The following N4BP2L2 variants were observed in gnomAD, a reference collection of about 807,000 sequenced individuals.
The protein encoded by N4BP2L2 is NEDD4 binding protein 2 like 2.
In N4BP2L2, 50 loss-of-function variants were observed where a neutral mutation model predicts 56.2. That is an observed-to-expected ratio of 0.89 (90% CI 0.71 to 1.13). The LOEUF is 1.13. Ranked by LOEUF, N4BP2L2 falls within the 50% of genes most tolerant of loss-of-function variation. The probability of loss-of-function intolerance (pLI) is 0.00; values close to 1 mark genes in which losing one functional copy is unlikely to be tolerated. For synonymous variants in N4BP2L2, 203 were observed against 223.6 expected (o/e 0.91, Z 0.82); for missense variants, 689 against 693.8 (o/e 0.99, Z 0.08).
At chr13:32,471,429 A>C (rs1038069479) in intron 6 of N4BP2L2, among the ~76,000 whole-genome samples, 16 of 152,210 alleles carry the variant, frequency 1.1e-4, no homozygotes, top group African/African-American at 3.9e-4. Flanking sequence ...GTGTAAGCTC[A>C]TACTGGGCTC....
At chr13:32,537,587 G>A (rs949773406) in intron 1 of N4BP2L2, among the ~76,000 whole-genome samples, 1 of 152,098 alleles carries the variant, frequency 6.6e-6, no homozygotes, top group African/African-American at 2.4e-5. Flanking sequence ...GCCAGTCTTT[G>A]GAGACCCTTA....
chr13:32,462,235 T>C (rs980226284), intron 6 of N4BP2L2, among the ~76,000 whole-genome samples: 2 of 152,176 alleles, frequency 1.3e-5, no homozygotes, highest in African/African-American at 4.8e-5. Context: ...ATGTGGTATA[T>C]ATACACAATG....
chr13:32,437,673 G>A (rs2075684773), intron 8 of N4BP2L2, among the ~76,000 whole-genome samples: 1 of 152,310 alleles, frequency 6.6e-6, no homozygotes, highest in Admixed American at 6.5e-5. Flanking sequence ...GTGCTTCCAA[G>A]TCAAGTAACT....
intron 5 of N4BP2L2, 35 bp downstream of exon 5, chr13:32,521,338 A>T: frequency 7.0e-7 from 1 of 1,423,668 alleles, no homozygotes; most frequent in Non-Finnish European, 9.8e-7. Context: ...GAAAGAAGAA[A>T]AGTTAAGGAT....
intron 6 of N4BP2L2, among the ~76,000 whole-genome samples, chr13:32,457,735 A>G (rs993871879): frequency 1.3e-5 from 2 of 152,256 alleles, no homozygotes; most frequent in African/African-American, 4.8e-5. Context: ...AAGAAGTCCT[A>G]TACATGGAAG....
chr13:32,448,974 C>T lies in N4BP2L2; in HGVS notation c.366-4848G>A, dbSNP rs572861498. Among the ~76,000 whole-genome samples, 117 of 152,284 alleles carry T rather than the reference C, an allele frequency of 7.7e-4. 1 individual carries two copies. Among genetic ancestry groups the T allele is most frequent in the Non-Finnish European group, 1.1e-3 (78 of 68,006 alleles). ...CAGTGGGATCTTGGGCAAATCATGT[C>T]TTTCCAAAATGAGGAAAATACCCCT... On this transcript the variant is annotated intron_variant, in intron 6 of 9. Transcript: ENST00000357505.
chr13:32,517,780 G>A (rs533289021), exon 6 of N4BP2L2: 1 of 1,610,932 alleles, frequency 6.2e-7, no homozygotes, highest in Non-Finnish European at 8.5e-7. Flanking sequence ...AACAACAAAT[G>A]TGTTAGCTGA....
At chr13:32,535,923 T>C in exon 2 of N4BP2L2, 1 of 1,614,158 alleles carries the variant, frequency 6.2e-7, no homozygotes, top group Non-Finnish European at 8.5e-7. Context: ...CATCTTTCTC[T>C]GACTTCACAG....
At chr13:32,538,865 G>A (rs982128450), upstream of N4BP2L2, 7 of 985,298 alleles carry the variant, frequency 7.1e-6, no homozygotes, top group African/African-American at 1.7e-5. Flanking sequence ...GAAGTCCGAC[G>A]TTCACACCGG....
intron 6 of N4BP2L2, among the ~76,000 whole-genome samples, chr13:32,480,414 G>C (rs2084378684): frequency 6.6e-6 from 1 of 152,212 alleles, no homozygotes. Flanking sequence ...AAAGAGTCCA[G>C]ATTAAAAGTT....
chr13:32,454,661 C>A (rs1199090234), intron 6 of N4BP2L2, among the ~76,000 whole-genome samples: 1 of 152,068 alleles, frequency 6.6e-6, no homozygotes, highest in African/African-American at 2.4e-5. Flanking sequence ...CAAATAAGAA[C>A]AATGTCTCAC....
At chr13:32,491,762 G>A (rs2087159819) in intron 6 of N4BP2L2, among the ~76,000 whole-genome samples, 1 of 151,530 alleles carries the variant, frequency 6.6e-6, no homozygotes, top group African/African-American at 2.4e-5. Context: ...CTCCCAAGTA[G>A]CTGGGACTAT....
intron 2 of N4BP2L2, among the ~76,000 whole-genome samples, chr13:32,528,022 G>C (rs111368254): frequency 1.3e-5 from 2 of 152,064 alleles, no homozygotes; most frequent in Non-Finnish European, 2.9e-5. Context: ...CACCTGCCTC[G>C]GCCTCCCAAA....
At chr13:32,457,664 T>G (rs1261316700) in intron 6 of N4BP2L2, among the ~76,000 whole-genome samples, 1 of 152,150 alleles carries the variant, frequency 6.6e-6, no homozygotes, top group Non-Finnish European at 1.5e-5. Context: ...AAAGTCTTTC[T>G]CAGAAAAGCA....
intron 6 of N4BP2L2, chr13:32,504,751 G>A (rs1214706355): frequency 6.6e-6 from 1 of 152,068 alleles, no homozygotes; most frequent in African/African-American, 2.4e-5. Context: ...TTTAGATCAG[G>A]TACAGGCATA....
At chr13:32,510,371 C>A (rs2139748526) in exon 6 of N4BP2L2, 1 of 151,888 alleles carries the variant, frequency 6.6e-6, no homozygotes, top group South Asian at 2.1e-4. Flanking sequence ...TAATTTAAAG[C>A]CTTACAGTAC....
intron 7 of N4BP2L2, among the ~76,000 whole-genome samples, chr13:32,441,027 G>C (rs538255187): frequency 5.3e-5 from 8 of 151,628 alleles, no homozygotes; most frequent in African/African-American, 1.9e-4. Flanking sequence ...GCTAATTTTT[G>C]TATTTTTAGT....
chr13:32,508,099 C>T (rs906868354), downstream of N4BP2L2: 4 of 152,082 alleles, frequency 2.6e-5, no homozygotes, highest in Admixed American at 6.6e-5. Context: ...AAGTTAAATG[C>T]TTGCTGAGTA....
rs932249240 is a variant in N4BP2L2 at position 32,442,297 on chromosome 13, G to A, written c.2104+91C>T. 3.1e-5 allele frequency: 35 copies of A among 1,111,252 alleles called. No individual in the cohort carries two copies. In the East Asian group the frequency reaches 8.8e-4, roughly 28 times the overall value. 68.8% of individuals were successfully genotyped at this position (1,111,252 alleles called of 1,614,324 possible). A position where few individuals can be genotyped will look rare whatever the true frequency, so the allele number is the denominator to read the frequency against. On this transcript the variant is annotated intron_variant, in intron 7 of 9. Coordinates refer to the N4BP2L2 transcript ENST00000357505. ...GCATCACGAGATTAATAAACTGCAT[G>A]AGATCACTAACCACCAGGTAGAAAC...
Sources: allele counts gnomAD v4.1 joint callset (sites outside exome capture counted in the v4.1 genomes callset), GRCh38; gene constraint gnomAD v4.1.1; transcripts MANE v1.5; gene names NCBI Gene and HGNC (gene_info 2026-07-23, HGNC 2026-07-21).